Variants in LRRK2 observed in about 807,000 individuals in gnomAD.
LRRK2 encodes leucine-rich repeat serine/threonine-protein kinase 2.
In LRRK2, 203 loss-of-function variants were observed where a neutral mutation model predicts 302.6. The observed-to-expected ratio is 0.67, with a 90% CI of 0.60 to 0.75. The LOEUF is 0.75. LRRK2 is among the 30% of genes least tolerant of loss of function. The pLI is 0.00. For missense variants in LRRK2, 2,830 were observed against 2,951.0 expected (o/e 0.96, Z 0.95); for synonymous variants, 1,066 against 1,031.9 (o/e 1.03, Z -0.63).
At chr12:40,366,444 A>G (rs1283807492) in intron 49 of LRRK2, 1 of 152,900 alleles carries the variant, frequency 6.5e-6, no homozygotes, top group Non-Finnish European at 1.5e-5. Context: ...CTTCACTAGA[A>G]TATAAACTCC....
chr12:40,278,737 T>G (rs1943563470), intron 18 of LRRK2, among the ~76,000 whole-genome samples: 1 of 152,210 alleles, frequency 6.6e-6, no homozygotes, highest in Admixed American at 6.5e-5. Context: ...TGGCCAAAGT[T>G]GTGTAACACT....
intron 14 of LRRK2, among the ~76,000 whole-genome samples, chr12:40,272,847 G>A (rs1017922548): frequency 6.6e-6 from 1 of 152,136 alleles, no homozygotes; most frequent in African/African-American, 2.4e-5. Context: ...TTAAAGGGTA[G>A]GGTGACTGTG....
rs748666922 is a variant in LRRK2, at chr12:40,240,591, A to G, written c.680A>G (p.His227Arg). ...DEEEIVLHVL[H>R]CLHSLAIPCN... ...GAGGAAATTGTGCTTCATGTGCTGC[A>G]TTGTTTACATTCCCTAGCGATTCCT... The change falls in exon 6 of 51, where the codon CAT becomes CGT. Residue 227 changes from histidine to arginine, a missense_variant. Physicochemically the swap from His to Arg is conservative, Grantham distance 29. This residue lies in a region of LRRK2 where 2,121 missense variants were observed against 2,148.0 expected (regional missense o/e 0.99). Coordinates refer to ENST00000298910, the MANE Select transcript of LRRK2 (RefSeq NM_198578.4). The G allele has an allele frequency of 1.2e-6, 2 of 1,613,450 alleles. No individual in the cohort carries two copies. The highest frequency in any genetic ancestry group is 2.2e-5 in the East Asian group (1 of 44,778).
chr12:40,278,827 A>G (rs776153389), intron 18 of LRRK2, among the ~76,000 whole-genome samples: 1 of 152,152 alleles, frequency 6.6e-6, no homozygotes, highest in Non-Finnish European at 1.5e-5. Context: ...CCTTCAAAAT[A>G]TAATTCAAAT....
At chr12:40,347,536 G>A (rs2136978723) in intron 42 of LRRK2, among the ~76,000 whole-genome samples, 1 of 152,296 alleles carries the variant, frequency 6.6e-6, no homozygotes, top group African/African-American at 2.4e-5. Context: ...AATGTGCCAT[G>A]TACAGGAAAT....
At chr12:40,359,554 TAA>T in intron 47 of LRRK2, 110 bp downstream of exon 47, 1 of 924,740 alleles carries the variant, frequency 1.1e-6, no homozygotes, top group Non-Finnish European at 1.6e-6. Flanking sequence ...TTAAAATGCA[TAA>T]TTTATTTTCT....
intron 31 of LRRK2, among the ~76,000 whole-genome samples, chr12:40,311,526 A>G (rs557624251): frequency 2.6e-4 from 39 of 152,324 alleles, no homozygotes; most frequent in Non-Finnish European, 4.0e-4. Context: ...TGGCTGATAA[A>G]TAGAGTCCTA....
chr12:40,275,059 T>C, intron 16 of LRRK2, 66 bp downstream of exon 16: 5 of 1,563,534 alleles, frequency 3.2e-6, no homozygotes, highest in Non-Finnish European at 4.4e-6. Context: ...GCAGTTTGTG[T>C]AATTCCCACT....
At chr12:40,323,119 A>T (rs879784181) in intron 37 of LRRK2, 41 bp from the exon 38 acceptor site, 1 of 1,565,302 alleles carries the variant, frequency 6.4e-7, no homozygotes, top group Non-Finnish European at 8.8e-7. Flanking sequence ...GTATCTCCTT[A>T]AATGTTGTTT....
At position 40,235,629 on chromosome 12, in the gene LRRK2, G is replaced by C; in HGVS notation, c.351G>C (p.Leu117Phe). 1 of 1,595,888 alleles carries C rather than the reference G, an allele frequency of 6.3e-7. No homozygotes were observed. Among genetic ancestry groups the C allele is most frequent in the Non-Finnish European group, 8.6e-7 (1 of 1,163,568 alleles). The change falls in exon 4 of 51, where the codon TTG (leucine) becomes TTC (phenylalanine). Residue 117 changes from leucine (L) to phenylalanine (F), a missense_variant. Leu to Phe is a conservative substitution (Grantham distance 22). Transcript: ENST00000298910. ...TGATTTCTGTTTTTAACTCCAGATT[G>C]ATTCTTAAAATGCTAACAGTTCATA... Reference protein sequence around the residue: ...NDWEVLGVHQLILKMLTVHNA... With the variant: ...NDWEVLGVHQFILKMLTVHNA...
At chr12:40,225,739 C>T (rs750010972) in intron 2 of LRRK2, 99 bp downstream of exon 2, 9 of 1,104,340 alleles carry the variant, frequency 8.1e-6, no homozygotes, top group Non-Finnish European at 1.1e-5. Flanking sequence ...TGGTTATTCC[C>T]AAAATTTGGC....
intron 42 of LRRK2, among the ~76,000 whole-genome samples, chr12:40,348,177 C>T (rs1011076952): frequency 4.1e-5 from 6 of 146,508 alleles, no homozygotes; most frequent in Non-Finnish European, 7.5e-5. Flanking sequence ...TTTATTAAAT[C>T]GTTATTTGGG....
intron 41 of LRRK2, 96 bp from the exon 42 acceptor site, chr12:40,346,657 G>A (rs747317432): frequency 8.9e-7 from 1 of 1,119,944 alleles, no homozygotes; most frequent in Non-Finnish European, 1.3e-6. Flanking sequence ...ATCTCTTCCT[G>A]ACTCTCTTAT....
At position 40,331,199 on chromosome 12, in the gene LRRK2, A is replaced by G. The variant is rs117335334; in HGVS notation, c.5757+2739A>G. 1.3e-4 allele frequency among the ~76,000 whole-genome samples: 20 copies of G among 152,290 alleles called. No homozygotes were observed. In the East Asian group the frequency reaches 3.5e-3, roughly 26 times the overall value. On this transcript the variant is annotated intron_variant, in intron 39 of 50. Transcript: ENST00000298910. ...CTATTGATTGTTAAAGAAGGACTGT[A>G]TTGATTATTAAAGGTAACTAGAATG...
intron 23 of LRRK2, among the ~76,000 whole-genome samples, chr12:40,296,949 C>T (rs1263480185): frequency 6.6e-6 from 1 of 152,120 alleles, no homozygotes; most frequent in Non-Finnish European, 1.5e-5. Context: ...TCCTTCTACC[C>T]TCCAGCCAAC....
chr12:40,307,159 T>C (rs907465507), intron 28 of LRRK2, among the ~76,000 whole-genome samples: 4 of 151,990 alleles, frequency 2.6e-5, no homozygotes, highest in Non-Finnish European at 4.4e-5. Flanking sequence ...CATTTGCTTT[T>C]TGAAGAAAGA....
Position 40,225,232 on chromosome 12 carries a change from C to T in LRRK2, c.101C>T (p.Thr34Met), listed in dbSNP as rs1285731382. 6.2e-7 allele frequency: 1 copy of T among 1,614,138 alleles called. No homozygotes were observed. The highest frequency in any genetic ancestry group is 8.5e-7 in the Non-Finnish European group (1 of 1,180,006). Residue 34 changes from threonine to methionine, a missense_variant, in exon 1 of 51, where the codon ACG becomes ATG. This residue lies in a region of LRRK2 where 2,121 missense variants were observed against 2,148.0 expected (regional missense o/e 0.99). Coordinates refer to ENST00000298910, the MANE Select transcript of LRRK2 (RefSeq NM_198578.4). ...NNVQEGKQIE[T>M]LVQILEDLLV... ...GTCCAGGAAGGAAAACAGATAGAAA[C>T]GCTGGTCCAAATCCTGGAGGATCTG... is the stretch of plus-strand genomic sequence containing the variant.
chr12:40,339,408 T>A (rs926412399), intron 40 of LRRK2, among the ~76,000 whole-genome samples: 1 of 152,246 alleles, frequency 6.6e-6, no homozygotes, highest in Non-Finnish European at 1.5e-5. Flanking sequence ...GTAGCTGAGA[T>A]GCGGTAAGCT....
chr12:40,352,113 G>A (rs192143020), intron 44 of LRRK2, among the ~76,000 whole-genome samples: 92 of 152,274 alleles, frequency 6.0e-4, no homozygotes, highest in Admixed American at 1.6e-3. Context: ...TTTTCCCACT[G>A]CCAGGCAAGG....
Sources: gnomAD v4.1 joint callset for allele counts (sites outside exome capture counted in the v4.1 genomes callset) on GRCh38, gnomAD v4.1.1 for gene constraint, gnomAD v4.1.1 regional missense constraint, MANE v1.5 for transcripts, NCBI Gene and HGNC (gene_info 2026-07-23, HGNC 2026-07-21) for gene names.